The following DTNBP1 variants were observed in gnomAD, a reference collection of about 807,000 sequenced individuals.
DTNBP1 encodes the protein dysbindin.
Under a neutral mutation model 42.8 loss-of-function variants are expected in DTNBP1, and 35 were observed. The ratio of observed to expected loss-of-function variants is 0.82; its 90% CI spans 0.63 to 1.09. The LOEUF (loss-of-function observed/expected upper bound fraction) is 1.09, where lower values mean the gene tolerates loss of function less well. Ranked by LOEUF, DTNBP1 falls within the 50% of genes least tolerant of loss-of-function variation. The probability of loss-of-function intolerance (pLI) is 0.00; values close to 1 mark genes in which losing one functional copy is unlikely to be tolerated. For synonymous variants in DTNBP1, 171 were observed against 162.2 expected, an observed-to-expected ratio of 1.05 and a Z score of -0.41; for missense variants, 457 against 424.2, an observed-to-expected ratio of 1.08 and a Z score of -0.68.
intron 5 of DTNBP1, among the ~76,000 whole-genome samples, chr6:15,617,575 T>C (rs757307332): frequency 5.3e-5 from 8 of 151,786 alleles, no homozygotes; most frequent in Non-Finnish European, 1.2e-4. Context: ...AATCCACATA[T>C]TTATAGCCAA....
chr6:15,615,363 T>C lies in DTNBP1; in HGVS notation c.392A>G (p.Asn131Ser), dbSNP rs1309088119. Residue 131 changes from asparagine (N) to serine (S), a missense_variant, in exon 6 of 10, where the codon AAC becomes AGC. Physicochemically the swap from Asn to Ser is conservative, Grantham distance 46. Transcript: ENST00000344537. ...ACATAAGTCTTCCAGATGCAGCAGGTTGTTCTCTACCTCCTCAAAACTCGC... is the reference window on the plus strand; with the variant it reads ...ACATAAGTCTTCCAGATGCAGCAGGCTGTTCTCTACCTCCTCAAAACTCGC... ...LEASFEEVEN[N>S]LLHLEDLCGQ... 8.7e-6 allele frequency: 14 copies of C among 1,614,018 alleles called. No homozygotes were observed. The highest frequency in any genetic ancestry group is 1.2e-5 in the Non-Finnish European group (14 of 1,180,036).
intron 6 of DTNBP1, among the ~76,000 whole-genome samples, chr6:15,603,518 C>A (rs1358549883): frequency 6.6e-6 from 1 of 152,084 alleles, no homozygotes; most frequent in Non-Finnish European, 1.5e-5. Flanking sequence ...TTTTTAATGG[C>A]TTTGATTGAC....
chr6:15,629,597 T>A (rs1759569047), intron 4 of DTNBP1, among the ~76,000 whole-genome samples: 1 of 152,164 alleles, frequency 6.6e-6, no homozygotes, highest in African/African-American at 2.4e-5. Context: ...AAATTATCAA[T>A]AATTATCAAC....
chr6:15,648,168 A>G (rs1760788410), intron 3 of DTNBP1, among the ~76,000 whole-genome samples: 1 of 152,080 alleles, frequency 6.6e-6, no homozygotes, highest in Non-Finnish European at 1.5e-5. Context: ...ACACATGGTC[A>G]TCCTAATTCA....
intron 5 of DTNBP1, among the ~76,000 whole-genome samples, chr6:15,622,635 C>T (rs187631381): frequency 6.6e-6 from 1 of 152,254 alleles, no homozygotes; most frequent in East Asian, 1.9e-4. Context: ...AAGCTCAAGC[C>T]TCACCATTTT....
chr6:15,522,828 T>C lies in DTNBP1; in HGVS notation c.*147A>G. The C allele has an allele frequency of 1.4e-6, 2 of 1,396,556 alleles. No individual in the cohort carries two copies. The highest frequency in any genetic ancestry group is 2.0e-6 in the Non-Finnish European group (2 of 1,002,502). The allele number at this position is 1,396,556 out of a possible 1,614,324, so 86.5% of individuals were successfully genotyped here. The stretch of plus-strand genomic sequence containing the variant: ...TCAGTTTACCGTCCTCACACTTTAT[T>C]GTTAGCTGTTCTTTAAGTTTCTCAC... On this transcript the variant is annotated 3_prime_UTR_variant, in exon 10 of 10. Coordinates refer to ENST00000344537, the MANE Select transcript of DTNBP1 (RefSeq NM_032122.5).
chr6:15,551,630 C>G (rs559682898), intron 7 of DTNBP1, among the ~76,000 whole-genome samples: 1 of 152,294 alleles, frequency 6.6e-6, no homozygotes, highest in African/African-American at 2.4e-5. Context: ...CTCTTTCCTC[C>G]ACGCTCCCAC....
At chr6:15,636,393 C>T (rs1265629269) in intron 4 of DTNBP1, among the ~76,000 whole-genome samples, 1 of 152,118 alleles carries the variant, frequency 6.6e-6, no homozygotes, top group Non-Finnish European at 1.5e-5. Context: ...TCAGGTAATC[C>T]ACCCACCTTG....
intron 5 of DTNBP1, among the ~76,000 whole-genome samples, chr6:15,622,829 T>C (rs1759117531): frequency 6.6e-6 from 1 of 152,230 alleles, no homozygotes; most frequent in Non-Finnish European, 1.5e-5. Flanking sequence ...GTGCCATTTG[T>C]TTCAAATACA....
intron 7 of DTNBP1, among the ~76,000 whole-genome samples, chr6:15,585,488 C>T (rs1027613928): frequency 2.0e-5 from 3 of 148,042 alleles, no homozygotes; most frequent in Admixed American, 6.7e-5. Flanking sequence ...ACATTTTAAA[C>T]TTATTTTAGG....
intron 7 of DTNBP1, among the ~76,000 whole-genome samples, chr6:15,575,629 T>C (rs922178864): frequency 6.6e-6 from 1 of 152,252 alleles, no homozygotes; most frequent in African/African-American, 2.4e-5. Context: ...GTGTGACATA[T>C]GTTTTCTCTT....
chr6:15,624,676 G>A (rs1279365634), intron 5 of DTNBP1, among the ~76,000 whole-genome samples: 1 of 152,140 alleles, frequency 6.6e-6, no homozygotes, highest in Non-Finnish European at 1.5e-5. Context: ...AAGAAGTTAG[G>A]GGGACCCTGT....
intron 5 of DTNBP1, among the ~76,000 whole-genome samples, chr6:15,624,954 C>G (rs1759257116): frequency 6.6e-6 from 1 of 152,152 alleles, no homozygotes; most frequent in African/African-American, 2.4e-5. Context: ...CTCACTCCAT[C>G]AAATTTGGCT....
chr6:15,572,027 A>G (rs1446730012), intron 7 of DTNBP1, among the ~76,000 whole-genome samples: 1 of 152,210 alleles, frequency 6.6e-6, no homozygotes, highest in Admixed American at 6.5e-5. Flanking sequence ...TATTGTTTTC[A>G]TTAAAGAAAG....
chr6:15,569,231 G>A (rs1219397314), intron 7 of DTNBP1, among the ~76,000 whole-genome samples: 2 of 152,020 alleles, frequency 1.3e-5, no homozygotes, highest in Non-Finnish European at 2.9e-5. Context: ...AGAATCATTT[G>A]CATCCCCACT....
intron 7 of DTNBP1, among the ~76,000 whole-genome samples, chr6:15,560,767 C>G (rs553880589): frequency 6.6e-6 from 1 of 152,268 alleles, no homozygotes; most frequent in South Asian, 2.1e-4. Flanking sequence ...TATCTTGGGA[C>G]CCTGAAAGAA....
chr6:15,631,727 G>A (rs1759706356), intron 4 of DTNBP1, among the ~76,000 whole-genome samples: 1 of 152,132 alleles, frequency 6.6e-6, no homozygotes, highest in Non-Finnish European at 1.5e-5. Context: ...CTAGGGTAAT[G>A]AGATCCCCCT....
At chr6:15,605,227 G>A (rs1474389449) in intron 6 of DTNBP1, among the ~76,000 whole-genome samples, 1 of 152,146 alleles carries the variant, frequency 6.6e-6, no homozygotes, top group Non-Finnish European at 1.5e-5. Flanking sequence ...ACTAATTATT[G>A]TGAGAGAACT....
chr6:15,622,086 A>C (rs1759073157), intron 5 of DTNBP1, among the ~76,000 whole-genome samples: 1 of 152,214 alleles, frequency 6.6e-6, no homozygotes, highest in Admixed American at 6.5e-5. Context: ...ATAAAGAATA[A>C]TTTCTGGTGA....
Sources: gnomAD v4.1 joint callset for allele counts (sites outside exome capture counted in the v4.1 genomes callset) on GRCh38, gnomAD v4.1.1 for gene constraint, MANE v1.5 for transcripts, NCBI Gene and HGNC (gene_info 2026-07-23, HGNC 2026-07-21) for gene names.